EZH2: variants seen among roughly 807,000 people sequenced by gnomAD.
EZH2 encodes the protein enhancer of zeste 2 polycomb repressive complex 2 subunit.
A neutral mutation model predicts 98.4 loss-of-function variants in EZH2; 18 were observed. The ratio of observed to expected loss-of-function variants is 0.18; its 90% CI spans 0.13 to 0.27. The LOEUF (loss-of-function observed/expected upper bound fraction) is 0.27, where lower values mean the gene tolerates loss of function less well. Ranked by LOEUF, EZH2 falls within the 10% of genes least tolerant of loss-of-function variation. EZH2 has a pLI of 1.00. For synonymous variants in EZH2, 338 were observed against 312.3 expected (o/e 1.08, Z -0.87); for missense variants, 470 against 935.1 (o/e 0.50, Z 6.49).
chr7:148,840,168 T>C (rs539657130), intron 3 of EZH2, among the ~76,000 whole-genome samples: 145 of 152,338 alleles, frequency 9.5e-4, no homozygotes, highest in African/African-American at 3.3e-3. Context: ...GCATATCATC[T>C]TGATCTAATA....
At position 148,827,282 on chromosome 7, in the gene EZH2, TGAAAGGAAAAAAA is replaced by T. The variant is rs1807995204; in HGVS notation, c.626-29_626-17del. On this transcript the variant is annotated splice_polypyrimidine_tract_variant and intron_variant, in intron 6 of 19. Transcript: ENST00000320356. ...CTTTCTTTATCTAAACAGGAGAATA[TGAAAGGAAAAAAA>T]GAATGGAAGTAAACAAGTTTTTGAT... The T allele has an allele frequency of 1.9e-6, 3 of 1,584,844 alleles. No individual in the cohort carries two copies. The African/African-American group carries it at 4.1e-5, about 22-fold the overall frequency.
At chr7:148,845,778 T>C (rs1158056567) in intron 3 of EZH2, among the ~76,000 whole-genome samples, 1 of 152,238 alleles carries the variant, frequency 6.6e-6, no homozygotes, top group Non-Finnish European at 1.5e-5. Context: ...AACTCCCCTT[T>C]AAATATCCTA....
intron 9 of EZH2, among the ~76,000 whole-genome samples, chr7:148,818,801 T>C (rs1425212815): frequency 6.6e-6 from 1 of 152,342 alleles, no homozygotes; most frequent in East Asian, 1.9e-4. Flanking sequence ...GCATGGTTTA[T>C]AGAGACCACA....
chr7:148,819,718 A>T, intron 8 of EZH2, 31 bp from the exon 9 acceptor site: 1 of 1,578,774 alleles, frequency 6.3e-7, no homozygotes, highest in Non-Finnish European at 8.7e-7. Context: ...AGAATCTAAT[A>T]TAACTATAAA....
rs58553084 is a variant in EZH2 at position 148,873,557 on chromosome 7, ATTTTTT to A, written c.-8+10601_-8+10606del. 4.0e-3 allele frequency among the ~76,000 whole-genome samples: 318 copies of A among 79,946 alleles called. 1 individual carries two copies. Among genetic ancestry groups the A allele is most frequent in the African/African-American group, 0.015 (297 of 19,978 alleles). The allele number at this position is 79,946 out of a possible 152,430, so 52.4% of individuals were successfully genotyped here. A position where few individuals can be genotyped will look rare whatever the true frequency, so the allele number is the denominator to read the frequency against. ...TTTGCAGAATCATTTCATGCTCTTCATTTTTTTTTTTTTTTTTTTTTTTTGCCTCAG... is the reference window on the plus strand; with the variant it reads ...TTTGCAGAATCATTTCATGCTCTTCATTTTTTTTTTTTTTTTTTGCCTCAG... On this transcript the variant is annotated intron_variant, in intron 1 of 19. Transcript: ENST00000320356.
At chr7:148,826,162 A>G (rs1404875283) in intron 8 of EZH2, among the ~76,000 whole-genome samples, 1 of 152,174 alleles carries the variant, frequency 6.6e-6, no homozygotes, top group African/African-American at 2.4e-5. Context: ...CCAGTTCATA[A>G]TAATAGTTTT....
At chr7:148,862,487 T>C (rs533131846) in intron 1 of EZH2, among the ~76,000 whole-genome samples, 13 of 152,332 alleles carry the variant, frequency 8.5e-5, no homozygotes, top group South Asian at 6.2e-4. Context: ...CCAACAAATA[T>C]GGTCAGTTGT....
At chr7:148,832,408 T>C (rs978857418) in intron 4 of EZH2, among the ~76,000 whole-genome samples, 2 of 152,194 alleles carry the variant, frequency 1.3e-5, no homozygotes. Flanking sequence ...ATCCTAGGTA[T>C]GGTTACTGCT....
chr7:148,843,124 C>T (rs1812902649), intron 3 of EZH2, among the ~76,000 whole-genome samples: 1 of 150,856 alleles, frequency 6.6e-6, no homozygotes, highest in Non-Finnish European at 1.5e-5. Flanking sequence ...AGGATAATCG[C>T]TTGAACCTGG....
chr7:148,832,819 G>T (rs1809762640), intron 3 of EZH2, 69 bp from the exon 4 acceptor site: 2 of 899,856 alleles, frequency 2.2e-6, no homozygotes, highest in Non-Finnish European at 3.4e-6. Flanking sequence ...CCATCATATT[G>T]TAAAGAGATG....
chr7:148,833,361 G>A (rs1165837965), intron 3 of EZH2, among the ~76,000 whole-genome samples: 1 of 151,664 alleles, frequency 6.6e-6, no homozygotes, highest in African/African-American at 2.4e-5. Context: ...GGAGGCTGAG[G>A]CAGGAGAATG....
At chr7:148,810,485 G>A (rs778998414) in intron 16 of EZH2, 71 bp from the exon 17 acceptor site, 44 of 1,033,136 alleles carry the variant, frequency 4.3e-5, no homozygotes, top group Middle Eastern at 2.2e-4. Context: ...ACACAAAAGC[G>A]CACAGAGTGA....
intron 1 of EZH2, among the ~76,000 whole-genome samples, chr7:148,880,727 CCTTT>C (rs1375424175): frequency 2.6e-5 from 4 of 152,200 alleles, no homozygotes; most frequent in Non-Finnish European, 5.9e-5. Flanking sequence ...TTTGCAAGTT[CCTTT>C]GTCAAATTAT....
intron 1 of EZH2, among the ~76,000 whole-genome samples, chr7:148,877,999 T>C (rs371504499): frequency 1.6e-4 from 24 of 152,330 alleles, no homozygotes; most frequent in African/African-American, 5.5e-4. Context: ...ACTCCTCCCC[T>C]GTAGACAGTT....
chr7:148,867,090 G>A (rs1181884863), intron 1 of EZH2, among the ~76,000 whole-genome samples: 3 of 151,420 alleles, frequency 2.0e-5, no homozygotes, highest in Non-Finnish European at 2.9e-5. Flanking sequence ...ACTTTGGGAA[G>A]CCGAGGCAGG....
chr7:148,847,834 C>A (rs1167988648), intron 1 of EZH2, among the ~76,000 whole-genome samples: 1 of 152,188 alleles, frequency 6.6e-6, no homozygotes, highest in African/African-American at 2.4e-5. Flanking sequence ...TAATCATGCA[C>A]CTCTCCTTAA....
rs1319753960 is a variant in EZH2, at chr7:148,837,756, G to GA, written c.247-5007dup. Among the ~76,000 whole-genome samples the GA allele has an allele frequency of 2.0e-5, 3 of 152,174 alleles. No homozygotes were observed. In the East Asian group the frequency reaches 5.8e-4, roughly 29 times the overall value. The stretch of plus-strand genomic sequence containing the variant: ...GAGAGAGGCAGAAACAAAAACGGAA[G>GA]AAAAAACCCCATTAAGATATTGACA... On this transcript the variant is annotated intron_variant, in intron 3 of 19. Coordinates refer to ENST00000320356, the MANE Select transcript of EZH2 (RefSeq NM_004456.5).
rs1809718344 is a variant in EZH2 at position 148,832,673 on chromosome 7, G to A, written c.324C>T (p.Pro108=). The change falls in exon 4 of 20, where the codon CCC becomes CCT. Residue 108 remains proline, a synonymous_variant. Transcript: ENST00000320356. ...GTAGGGGAGACCAAGAATACATTAT[G>A]GGTACTGAAGCAACTGCATTCAGAG... ...LKTLNAVASV[P]IMYSWSPLQQ... The A allele has an allele frequency of 4.3e-6, 7 of 1,609,256 alleles. No homozygotes were observed. The highest frequency in any genetic ancestry group is 1.3e-5 in the African/African-American group (1 of 74,948).
At chr7:148,850,501 A>G (rs907321470) in intron 1 of EZH2, 2 of 912,986 alleles carry the variant, frequency 2.2e-6, no homozygotes, top group East Asian at 1.2e-4. Flanking sequence ...TAGTTCTTTG[A>G]AAGTGTAAGA....
Sources: allele counts gnomAD v4.1 joint callset (sites outside exome capture counted in the v4.1 genomes callset), GRCh38; gene constraint gnomAD v4.1.1; transcripts MANE v1.5; gene names NCBI Gene and HGNC (gene_info 2026-07-23, HGNC 2026-07-21).